Variants in COL14A1 observed in about 807,000 individuals in gnomAD.
COL14A1 encodes collagen alpha-1(XIV) chain.
A neutral mutation model predicts 230.3 loss-of-function variants in COL14A1; 136 were observed. The ratio of observed to expected loss-of-function variants is 0.59; its 90% confidence interval spans 0.51 to 0.68. COL14A1 has a LOEUF of 0.68. COL14A1 is among the 30% of genes least tolerant of loss of function. COL14A1 has a pLI of 0.00. For missense variants in COL14A1, 1,976 were observed against 2,215.8 expected, an observed-to-expected ratio of 0.89 and a Z score of 2.17; for synonymous variants, 792 against 784.1, an observed-to-expected ratio of 1.01 and a Z score of -0.17.
intron 3 of COL14A1, among the ~76,000 whole-genome samples, chr8:120,160,046 G>A (rs1002941879): frequency 3.3e-5 from 5 of 152,084 alleles, no homozygotes; most frequent in Admixed American, 6.6e-5. Context: ...ATGACTTCTG[G>A]TTGAGCAATA....
chr8:120,304,140 A>G (rs1820793246), intron 36 of COL14A1, among the ~76,000 whole-genome samples: 1 of 152,010 alleles, frequency 6.6e-6, no homozygotes, highest in African/African-American at 2.4e-5. Context: ...TTTCTGCTTT[A>G]TTAGTCTAGC....
chr8:120,280,153 G>C, intron 29 of COL14A1, 54 bp downstream of exon 29: 1 of 1,582,950 alleles, frequency 6.3e-7, no homozygotes, highest in South Asian at 1.1e-5. Flanking sequence ...TGAAATATTT[G>C]ACACTGGTTA....
At chr8:120,155,664 T>C (rs1040712423) in intron 2 of COL14A1, among the ~76,000 whole-genome samples, 4 of 152,176 alleles carry the variant, frequency 2.6e-5, no homozygotes, top group Non-Finnish European at 5.9e-5. Context: ...CAGCAGCTCA[T>C]TCATGCAAAA....
chr8:120,228,598 T>A, intron 17 of COL14A1, 112 bp from the exon 18 acceptor site: 1 of 759,478 alleles, frequency 1.3e-6, no homozygotes, highest in Non-Finnish European at 2.3e-6. Flanking sequence ...TCATGTTTGT[T>A]GTGGGAGGCA....
rs780590042 is a variant in COL14A1, at chr8:120,158,201, A to G, written c.160A>G (p.Arg54Gly). ...TATACAGATTTCATGGAAGGCTCCA[A>G]GAGGGAAATTTGGTGGTTACAAACT... Reference protein sequence around the residue: ...DSIQISWKAPRGKFGGYKLLV... With the variant: ...DSIQISWKAPGGKFGGYKLLV... The change falls in exon 3 of 48, where the codon AGA becomes GGA. Residue 54 changes from arginine (R) to glycine (G), a missense_variant. By Grantham distance (125) the Arg-to-Gly change is moderately radical. Around this residue, in one of 3 missense-constraint regions of COL14A1, gnomAD observed 181 missense variants for 178.6 expected, o/e 1.01. Transcript: ENST00000297848. 3.1e-6 allele frequency: 5 copies of G among 1,610,638 alleles called. No individual in the cohort carries two copies. In the South Asian group the frequency reaches 4.4e-5, roughly 14 times the overall value.
At chr8:120,302,365 T>C (rs933160220) in intron 36 of COL14A1, among the ~76,000 whole-genome samples, 3 of 152,228 alleles carry the variant, frequency 2.0e-5, no homozygotes, top group Non-Finnish European at 2.9e-5. Flanking sequence ...AGGGTTTTTA[T>C]AGTTGTGGAT....
intron 4 of COL14A1, among the ~76,000 whole-genome samples, chr8:120,164,118 G>A (rs1488376572): frequency 6.6e-6 from 1 of 152,066 alleles, no homozygotes; most frequent in African/African-American, 2.4e-5. Context: ...TATTATTAAG[G>A]ACAATTTAAA....
intron 23 of COL14A1, among the ~76,000 whole-genome samples, chr8:120,262,209 G>A (rs765881579): frequency 2.6e-5 from 4 of 152,142 alleles, no homozygotes; most frequent in South Asian, 4.1e-4. Flanking sequence ...ATGGTATCTC[G>A]TGCCTGTAAT....
intron 22 of COL14A1, among the ~76,000 whole-genome samples, chr8:120,254,593 C>T (rs1037275367): frequency 6.6e-6 from 1 of 151,916 alleles, no homozygotes; most frequent in Admixed American, 6.6e-5. Context: ...TTAGAAAACA[C>T]AAGTATATAA....
chr8:120,249,940 G>A (rs528557978), intron 21 of COL14A1, among the ~76,000 whole-genome samples: 37 of 152,270 alleles, frequency 2.4e-4, no homozygotes, highest in African/African-American at 8.2e-4. Flanking sequence ...CTAACTCAAA[G>A]CTCTTAAAGA....
chr8:120,259,324 A>G (rs1278599384), intron 23 of COL14A1, among the ~76,000 whole-genome samples: 1 of 152,186 alleles, frequency 6.6e-6, no homozygotes, highest in African/African-American at 2.4e-5. Flanking sequence ...AATTATAATT[A>G]TACGTTTATA....
intron 45 of COL14A1, among the ~76,000 whole-genome samples, 170 bp from the exon 46 acceptor site, chr8:120,367,001 A>G (rs1187691687): frequency 1.3e-5 from 2 of 151,998 alleles, no homozygotes; most frequent in African/African-American, 2.4e-5. Flanking sequence ...GATTCTACAT[A>G]TACTACCAAT....
intron 16 of COL14A1, 150 bp downstream of exon 16, chr8:120,226,916 A>G (rs1818114234): frequency 1.4e-6 from 1 of 712,492 alleles, no homozygotes; most frequent in Non-Finnish European, 2.2e-6. Context: ...GTCAAATCAT[A>G]AGATTTTCCT....
At chr8:120,206,550 T>C (rs550018516) in intron 9 of COL14A1, among the ~76,000 whole-genome samples, 1 of 152,354 alleles carries the variant, frequency 6.6e-6, no homozygotes, top group Non-Finnish European at 1.5e-5. Context: ...GGTTTTGCCA[T>C]GTTGGCCAGG....
At chr8:120,136,753 C>G (rs1814721737) in intron 1 of COL14A1, among the ~76,000 whole-genome samples, 1 of 151,776 alleles carries the variant, frequency 6.6e-6, no homozygotes, top group African/African-American at 2.4e-5. Flanking sequence ...CACTTGAGGC[C>G]AGGTGTTCGA....
intron 45 of COL14A1, among the ~76,000 whole-genome samples, chr8:120,363,430 G>A (rs535054063): frequency 1.3e-5 from 2 of 152,238 alleles, no homozygotes; most frequent in South Asian, 4.1e-4. Flanking sequence ...GGGAGGAGGG[G>A]CAAGGGGAGG....
At chr8:120,311,984 CT>C (rs1710170979) in intron 37 of COL14A1, among the ~76,000 whole-genome samples, 2 of 151,968 alleles carry the variant, frequency 1.3e-5, no homozygotes, top group South Asian at 4.2e-4. Flanking sequence ...GTAGTCCCAG[CT>C]ACTCGGGAGG....
chr8:120,142,982 T>G (rs1814961558), intron 1 of COL14A1, among the ~76,000 whole-genome samples: 1 of 152,194 alleles, frequency 6.6e-6, no homozygotes, highest in Non-Finnish European at 1.5e-5. Context: ...CTTTGAAAGT[T>G]TACGTAACTA....
intron 40 of COL14A1, among the ~76,000 whole-genome samples, chr8:120,328,066 G>A (rs919363890): frequency 6.6e-6 from 1 of 152,022 alleles, no homozygotes; most frequent in African/African-American, 2.4e-5. Flanking sequence ...ACCTGGCCAT[G>A]TGCAGTACCT....
Sources: gnomAD v4.1 joint callset for allele counts (sites outside exome capture counted in the v4.1 genomes callset) on GRCh38, gnomAD v4.1.1 for gene constraint, gnomAD v4.1.1 regional missense constraint, MANE v1.5 for transcripts, NCBI Gene and HGNC (gene_info 2026-07-23, HGNC 2026-07-21) for gene names.